DMXL1: variants seen among roughly 807,000 people sequenced by gnomAD.
The protein encoded by DMXL1 is dmX-like protein 1.
A neutral mutation model predicts 319.2 loss-of-function variants in DMXL1; 99 were observed. That is an observed-to-expected ratio of 0.31 (90% CI 0.26 to 0.37). The LOEUF (loss-of-function observed/expected upper bound fraction) is 0.37. DMXL1 is among the 10% of genes least tolerant of loss of function. The pLI is 1.00. For missense variants in DMXL1, 3,745 were observed against 3,595.6 expected (o/e 1.04, Z -1.06); for synonymous variants, 1,385 against 1,235.2 (o/e 1.12, Z -2.54).
At chr5:119,229,161 A>G (rs1229473803) in intron 38 of DMXL1, among the ~76,000 whole-genome samples, 3 of 137,142 alleles carry the variant, frequency 2.2e-5, no homozygotes, top group African/African-American at 3.1e-5. Context: ...ACAATAAAGG[A>G]AAAAAAAAAA....
intron 1 of DMXL1, among the ~76,000 whole-genome samples, chr5:119,077,274 T>A (rs1292614422): frequency 2.6e-5 from 4 of 151,362 alleles, no homozygotes; most frequent in Non-Finnish European, 4.4e-5. Context: ...GCCCAGTGAT[T>A]ATAGATCTTT....
chr5:119,188,438 G>C (rs1778135471), intron 28 of DMXL1, among the ~76,000 whole-genome samples: 1 of 152,134 alleles, frequency 6.6e-6, no homozygotes, highest in Admixed American at 6.5e-5. Context: ...AAAGCCAAAT[G>C]ATAAATTGAT....
chr5:119,109,053 G>T (rs2149838901), intron 4 of DMXL1, among the ~76,000 whole-genome samples: 1 of 152,036 alleles, frequency 6.6e-6, no homozygotes, highest in African/African-American at 2.4e-5. Flanking sequence ...CACCCGCCTT[G>T]GCCTCCCAAA....
chr5:119,229,427 A>G (rs960806640), intron 38 of DMXL1, among the ~76,000 whole-genome samples: 3 of 152,136 alleles, frequency 2.0e-5, no homozygotes, highest in African/African-American at 7.2e-5. Context: ...AAGGCTCATC[A>G]TTCTTTTAAT....
At chr5:119,143,776 T>A in intron 13 of DMXL1, 65 bp from the exon 14 acceptor site, 1 of 1,087,458 alleles carries the variant, frequency 9.2e-7, no homozygotes, top group African/African-American at 1.6e-5. Flanking sequence ...GCTTGAAATT[T>A]TGTTATTTAC....
chr5:119,198,974 C>A (rs548510144), intron 32 of DMXL1, among the ~76,000 whole-genome samples: 1 of 152,182 alleles, frequency 6.6e-6, no homozygotes, highest in Non-Finnish European at 1.5e-5. Context: ...GCAGCCTCCA[C>A]CTCCTAGGCA....
At position 119,171,292 on chromosome 5, in the gene DMXL1, ACTTG is replaced by A; in HGVS notation, c.6489+13_6489+16del. 1 of 1,564,200 alleles carries A rather than the reference ACTTG, an allele frequency of 6.4e-7. No individual in the cohort carries two copies. The highest frequency in any genetic ancestry group is 2.0e-5 in the Admixed American group (1 of 50,766). On this transcript the variant is annotated intron_variant, in intron 24 of 43. Coordinates refer to ENST00000539542, the MANE Select transcript of DMXL1 (RefSeq NM_001290321.3). ...AAGAATCTCAGCAGGTATGTAATTTACTTGATAGTCAAAAATGGTACATGTCTAA... is the reference window on the plus strand; with the variant it reads ...AAGAATCTCAGCAGGTATGTAATTTAATAGTCAAAAATGGTACATGTCTAA...
rs201093854 is a variant in DMXL1 at position 119,121,018 on chromosome 5, T to C, written c.981T>C (p.Leu327=). ...FRRGRRRSLA[L]VAHTGYLPHQ... is the part of the protein sequence containing the mutation. ...GAGGTCGGAGGAGATCACTTGCTCT[T>C]GTAGCACATACGGGATATCTACCAC... is the stretch of plus-strand genomic sequence containing the variant. Residue 327 remains leucine, a synonymous_variant, in exon 9 of 44, where the codon CTT becomes CTC. Transcript: ENST00000539542. 23 of 1,613,710 alleles carry C rather than the reference T, an allele frequency of 1.4e-5. 1 individual carries two copies. The East Asian group carries it at 4.5e-4, about 31-fold the overall frequency.
Position 119,143,941 on chromosome 5 carries a change from AT to A in DMXL1, c.2466+15del. 2 of 1,507,318 alleles carry A rather than the reference AT, an allele frequency of 1.3e-6. No individual in the cohort carries two copies. The highest frequency in any genetic ancestry group is 2.3e-5 in the East Asian group (1 of 42,642). 93.4% of individuals were successfully genotyped at this position (1,507,318 alleles called of 1,614,324 possible). A position where few individuals can be genotyped will look rare whatever the true frequency, so the allele number is the denominator to read the frequency against. ...CCCATTACCAAACTTGTAAGTATTA[AT>A]TTTGGGGGGGAGGTATATTAAAAAA... On this transcript the variant is annotated intron_variant, in intron 14 of 43. Coordinates refer to ENST00000539542, the MANE Select transcript of DMXL1 (RefSeq NM_001290321.3).
At chr5:119,234,375 T>C (rs1435167011) in intron 39 of DMXL1, among the ~76,000 whole-genome samples, 2 of 152,158 alleles carry the variant, frequency 1.3e-5, no homozygotes, top group African/African-American at 4.8e-5. Flanking sequence ...CACCAAAAAT[T>C]ACTCTCACAG....
At chr5:119,137,295 T>C (rs941235579) in intron 13 of DMXL1, among the ~76,000 whole-genome samples, 2 of 152,264 alleles carry the variant, frequency 1.3e-5, no homozygotes, top group African/African-American at 4.8e-5. Context: ...CCAATGCCTG[T>C]GCTCGCATTG....
rs543688850 is a variant in DMXL1, at chr5:119,242,145, A to T, written c.8704+1674A>T. On this transcript the variant is annotated intron_variant, in intron 42 of 43. Transcript: ENST00000539542. The stretch of plus-strand genomic sequence containing the variant: ...TGCATTCATGGCATACTTTTTCTTA[A>T]TTTTTTGGATATTTCTTGGCTATGT... Among the ~76,000 whole-genome samples the T allele has an allele frequency of 3.9e-5, 6 of 152,166 alleles. No homozygotes were observed. In the East Asian group the frequency reaches 1.2e-3, roughly 29 times the overall value.
At chr5:119,200,823 G>C (rs1780567041) in intron 32 of DMXL1, among the ~76,000 whole-genome samples, 1 of 151,972 alleles carries the variant, frequency 6.6e-6, no homozygotes, top group African/African-American at 2.4e-5. Flanking sequence ...TATTCTTTTT[G>C]TGGCAGTTGT....
rs1380570152 is a variant in DMXL1, at chr5:119,105,054, C to T, written c.286-126C>T. 6.3e-6 allele frequency: 4 copies of T among 634,866 alleles called. 1 individual carries two copies. The South Asian group carries it at 7.7e-5, about 12-fold the overall frequency. The allele number at this position is 634,866 out of a possible 1,614,324, so 39.3% of individuals were successfully genotyped here. A position where few individuals can be genotyped will look rare whatever the true frequency, so the allele number is the denominator to read the frequency against. On this transcript the variant is annotated intron_variant, in intron 3 of 43. Coordinates refer to ENST00000539542, the MANE Select transcript of DMXL1 (RefSeq NM_001290321.3). ...GTGTTCTCTATTTTTGTTGACTGAA[C>T]TGAACATTTTGTTATCTTTAAAATT...
intron 19 of DMXL1, among the ~76,000 whole-genome samples, chr5:119,152,271 A>T (rs1287805228): frequency 6.6e-6 from 1 of 152,162 alleles, no homozygotes; most frequent in Non-Finnish European, 1.5e-5. Flanking sequence ...GTTCTGTGTT[A>T]TGTTTTTAAA....
At chr5:119,178,335 A>T in intron 28 of DMXL1, 91 bp downstream of exon 28, 1 of 1,418,604 alleles carries the variant, frequency 7.0e-7, no homozygotes, top group Non-Finnish European at 9.6e-7. Flanking sequence ...TAGTTATAGA[A>T]AGTTCTGGTT....
At chr5:119,128,384 G>T in intron 9 of DMXL1, 1 of 236,524 alleles carries the variant, frequency 4.2e-6, no homozygotes. Context: ...TTCTTCCGTT[G>T]AGCTACCATG....
chr5:119,170,448 A>C lies in DMXL1; in HGVS notation c.5657A>C (p.Lys1886Thr). ...TTATCAAAGATGCCTAAAGTCATCA[A>C]GAAAACAAGACCTTTTTATAGGGCT... ...EVLSKMPKVIKKTRPFYRASS... is the reference protein window; with the variant it reads ...EVLSKMPKVITKTRPFYRASS... Residue 1886 changes from lysine (K) to threonine (T), a missense_variant, in exon 24 of 44, where the codon AAG becomes ACG. Around this residue, in one of 4 missense-constraint regions of DMXL1, gnomAD observed 1,382 missense variants for 1,269.5 expected, o/e 1.09. Coordinates refer to ENST00000539542, the MANE Select transcript of DMXL1 (RefSeq NM_001290321.3). 6.2e-7 allele frequency: 1 copy of C among 1,614,024 alleles called. No homozygotes were observed. The highest frequency in any genetic ancestry group is 8.5e-7 in the Non-Finnish European group (1 of 1,179,948).
In DMXL1 at chr5:119,248,304, ATAAAC is replaced by A. The variant is rs373178797; in HGVS notation, c.*1091_*1095del. ...TCTCCAGATCTACCATTAATAGAAA[ATAAAC>A]TAAACCTTATATTTTATTTTTGCCA... On this transcript the variant is annotated 3_prime_UTR_variant, in exon 44 of 44. Coordinates refer to ENST00000539542, the MANE Select transcript of DMXL1 (RefSeq NM_001290321.3). 9.4e-4 allele frequency: 144 copies of A among 152,650 alleles called. No individual in the cohort carries two copies. The highest frequency in any genetic ancestry group is 3.4e-3 in the African/African-American group (141 of 41,570). 9.5% of individuals were successfully genotyped at this position (152,650 alleles called of 1,614,324 possible). A position where few individuals can be genotyped will look rare whatever the true frequency, so the allele number is the denominator to read the frequency against.
Sources: allele counts gnomAD v4.1 joint callset (sites outside exome capture counted in the v4.1 genomes callset), GRCh38; gene constraint gnomAD v4.1.1; regional missense constraint gnomAD v4.1.1; transcripts MANE v1.5; gene names NCBI Gene and HGNC (gene_info 2026-07-23, HGNC 2026-07-21).